The following PCDHGB2 variants were observed in gnomAD, a reference collection of about 807,000 sequenced individuals.
PCDHGB2 encodes protocadherin gamma subfamily B, 2, also known as protocadherin gamma-B2.
Under a neutral mutation model 59.3 loss-of-function variants are expected in PCDHGB2, and 55 were observed. That is an observed-to-expected ratio of 0.93 (90% CI 0.75 to 1.16). PCDHGB2 has a LOEUF of 1.16. Ranked by LOEUF, PCDHGB2 falls within the 50% of genes most tolerant of loss-of-function variation. The pLI is 0.00. For synonymous variants in PCDHGB2, 516 were observed against 512.0 expected, an observed-to-expected ratio of 1.01 and a Z score of -0.11; for missense variants, 1,228 against 1,198.5, an observed-to-expected ratio of 1.02 and a Z score of -0.36.
At chr5:141,418,392 T>C (rs753094664) in intron 1 of PCDHGB2, 1 of 1,613,996 alleles carries the variant, frequency 6.2e-7, no homozygotes, top group Non-Finnish European at 8.5e-7. Context: ...AACGAGTATT[T>C]CTCATTGGTG....
At chr5:141,402,935 T>G in intron 1 of PCDHGB2, 1 of 1,587,712 alleles carries the variant, frequency 6.3e-7, no homozygotes, top group Non-Finnish European at 8.6e-7. Context: ...TTTGAGAAAA[T>G]TCCAAAGCGA....
intron 1 of PCDHGB2, chr5:141,372,718 C>G: frequency 6.2e-7 from 1 of 1,613,818 alleles, no homozygotes; most frequent in East Asian, 2.2e-5. Flanking sequence ...GCTGAAAATG[C>G]TGCACCACAA....
intron 1 of PCDHGB2, among the ~76,000 whole-genome samples, chr5:141,482,767 A>G (rs2099572087): frequency 6.6e-6 from 1 of 150,474 alleles, no homozygotes; most frequent in East Asian, 1.9e-4. Flanking sequence ...TTTCATTATC[A>G]CTGAACCTTA....
At chr5:141,437,862 C>T (rs535370570) in intron 1 of PCDHGB2, among the ~76,000 whole-genome samples, 5 of 152,002 alleles carry the variant, frequency 3.3e-5, no homozygotes, top group African/African-American at 9.6e-5. Context: ...CTTAGCCTCC[C>T]GAGTAGCTGG....
intron 3 of PCDHGB2, among the ~76,000 whole-genome samples, chr5:141,506,402 G>C (rs1032556978): frequency 7.0e-6 from 1 of 143,732 alleles, no homozygotes; most frequent in African/African-American, 2.6e-5. Context: ...GCAGAAAATC[G>C]CACCACTGCA....
At position 141,382,875 on chromosome 5, in the gene PCDHGB2, C is replaced by T. The variant is rs531192742; in HGVS notation, c.2421+20319C>T. On this transcript the variant is annotated intron_variant, in intron 1 of 3. Transcript: ENST00000522605. ...TCTGAAGCACTTCCCGAGATCGGCG[C>T]CTAAGCAAGAGAAGCAGGACGACTA... 5 of 1,524,466 alleles carry T rather than the reference C, an allele frequency of 3.3e-6. No individual in the cohort carries two copies. In the East Asian group the frequency reaches 1.1e-4, roughly 35 times the overall value. The allele number at this position is 1,524,466 out of a possible 1,614,324, so 94.4% of individuals were successfully genotyped here. A position where few individuals can be genotyped will look rare whatever the true frequency, so the allele number is the denominator to read the frequency against.
Position 141,438,902 on chromosome 5 carries a change from G to A in PCDHGB2, c.2422-55905G>A, listed in dbSNP as rs185216039. 2.0e-5 allele frequency among the ~76,000 whole-genome samples: 3 copies of A among 151,906 alleles called. No homozygotes were observed. The East Asian group carries it at 5.8e-4, about 29-fold the overall frequency. On this transcript the variant is annotated intron_variant, in intron 1 of 3. Coordinates refer to ENST00000522605, the MANE Select transcript of PCDHGB2 (RefSeq NM_018923.3). ...GCTGCTCTTGAACTCCTGACCTCAGGTGATCCACCTGCCTTGGCCTCCCAA... is the reference window on the plus strand; with the variant it reads ...GCTGCTCTTGAACTCCTGACCTCAGATGATCCACCTGCCTTGGCCTCCCAA...
At position 141,409,564 on chromosome 5, in the gene PCDHGB2, G is replaced by C. The variant is rs374234556; in HGVS notation, c.2421+47008G>C. ...ACGACAACGCCCCAGTTTTCGACCA[G>C]ACGTCCTACGTGGTCCACGTGGCCG... On this transcript the variant is annotated intron_variant, in intron 1 of 3. Coordinates refer to ENST00000522605, the MANE Select transcript of PCDHGB2 (RefSeq NM_018923.3). The C allele has an allele frequency of 4.0e-5, 64 of 1,613,870 alleles. No individual in the cohort carries two copies. Among genetic ancestry groups the C allele is most frequent in the Non-Finnish European group, 5.2e-5 (61 of 1,179,914 alleles).
Position 141,410,070 on chromosome 5 carries a change from C to A in PCDHGB2, c.2421+47514C>A, listed in dbSNP as rs1368179504. On this transcript the variant is annotated intron_variant, in intron 1 of 3. Transcript: ENST00000522605. ...GGACTCTTCAGCCTGGGGCTGCGCA[C>A]TGGGGAGGTGCGCACGGCTCGAGCC... 6.2e-7 allele frequency: 1 copy of A among 1,612,806 alleles called. No homozygotes were observed. The highest frequency in any genetic ancestry group is 1.3e-5 in the African/African-American group (1 of 74,938).
chr5:141,415,907 T>C, intron 1 of PCDHGB2: 1 of 779,592 alleles, frequency 1.3e-6, no homozygotes. Context: ...CAGACTTCCA[T>C]ACAGAAGTGC....
rs745961736 is a variant in PCDHGB2, at chr5:141,372,460, A to G, written c.2421+9904A>G. On this transcript the variant is annotated intron_variant, in intron 1 of 3. Coordinates refer to ENST00000522605, the MANE Select transcript of PCDHGB2 (RefSeq NM_018923.3). ...CCCTCTGACCCTCAGGCGGAGCTAC[A>G]GTTTCACCTAGTAGTGGCGTTGGCC... 6.2e-5 allele frequency: 100 copies of G among 1,614,006 alleles called. 1 individual carries two copies. The South Asian group carries it at 1.1e-3, about 17-fold the overall frequency.
rs370237298 is a variant in PCDHGB2 at position 141,487,298 on chromosome 5, G to A, written c.2422-7509G>A. ...TTGCTTTGTCTCCTTTGGCTCATTCGTGGCACTACTCTCTAAGTGTCTTCG... is the reference window on the plus strand; with the variant it reads ...TTGCTTTGTCTCCTTTGGCTCATTCATGGCACTACTCTCTAAGTGTCTTCG... On this transcript the variant is annotated intron_variant, in intron 1 of 3. Coordinates refer to ENST00000522605, the MANE Select transcript of PCDHGB2 (RefSeq NM_018923.3). The surrounding 1 kb of genome is among the most constrained non-coding windows in gnomAD (Gnocchi z 5.0). The A allele has an allele frequency of 3.2e-5, 51 of 1,614,072 alleles. 1 individual carries two copies. Among genetic ancestry groups the A allele is most frequent in the South Asian group, 5.5e-5 (5 of 91,082 alleles).
intron 1 of PCDHGB2, among the ~76,000 whole-genome samples, chr5:141,439,631 A>C (rs1459977985): frequency 2.0e-5 from 3 of 152,214 alleles, no homozygotes; most frequent in Non-Finnish European, 2.9e-5. Context: ...ATCCCCAGAC[A>C]TTCCGGCTTG....
chr5:141,403,627 A>G lies in PCDHGB2; in HGVS notation c.2421+41071A>G, dbSNP rs1187522360. ...GCGGCGAGCCGCGTCGCTCCAGCAC[A>G]GTGCGCATCCATGTGACAGTGTTGG... On this transcript the variant is annotated intron_variant, in intron 1 of 3. Coordinates refer to ENST00000522605, the MANE Select transcript of PCDHGB2 (RefSeq NM_018923.3). 4 of 1,613,922 alleles carry G rather than the reference A, an allele frequency of 2.5e-6. No individual in the cohort carries two copies. The East Asian group carries it at 8.9e-5, about 36-fold the overall frequency.
At chr5:141,389,036 G>A in intron 1 of PCDHGB2, 1 of 1,613,928 alleles carries the variant, frequency 6.2e-7, no homozygotes, top group Non-Finnish European at 8.5e-7. Flanking sequence ...CTTGTAAATT[G>A]GAAGGTGATG....
chr5:141,491,602 A>T lies in PCDHGB2; in HGVS notation c.2422-3205A>T. On this transcript the variant is annotated intron_variant, in intron 1 of 3. Transcript: ENST00000522605. The surrounding 1 kb of genome is among the most constrained non-coding windows in gnomAD (Gnocchi z 6.9). ...ACCGGCCTCGGACGGCAGTGACTTC[A>T]CTTTTCTAAGACCCCTCAGCGTTCA... is the stretch of plus-strand genomic sequence containing the variant. The T allele has an allele frequency of 6.2e-7, 1 of 1,613,838 alleles. No individual in the cohort carries two copies. Among genetic ancestry groups the T allele is most frequent in the Non-Finnish European group, 8.5e-7 (1 of 1,180,016 alleles).
rs150692324 is a variant in PCDHGB2 at position 141,431,149 on chromosome 5, G to T, written c.2422-63658G>T. 1.2e-6 allele frequency: 2 copies of T among 1,614,210 alleles called. No homozygotes were observed. Among genetic ancestry groups the T allele is most frequent in the Non-Finnish European group, 1.7e-6 (2 of 1,180,020 alleles). ...AAGTAAGGGACATTAACGACAATGC[G>T]CCTTACTTTCGTGAAAGTGAATTAG... On this transcript the variant is annotated intron_variant, in intron 1 of 3. Coordinates refer to ENST00000522605, the MANE Select transcript of PCDHGB2 (RefSeq NM_018923.3). This position sits in a 1 kb window ranked among gnomAD's most constrained non-coding sequence, Gnocchi z 4.8.
chr5:141,369,897 C>G (rs988616109), intron 1 of PCDHGB2, among the ~76,000 whole-genome samples: 1 of 152,098 alleles, frequency 6.6e-6, no homozygotes, highest in Non-Finnish European at 1.5e-5. Context: ...ATTATTATGA[C>G]CATTTTATGA....
At chr5:141,377,345 C>T (rs1275867689) in intron 1 of PCDHGB2, 1 of 152,148 alleles carries the variant, frequency 6.6e-6, no homozygotes, top group African/African-American at 2.4e-5. Flanking sequence ...GTGGTTCACG[C>T]CTGTAATCCC....
Sources: gnomAD v4.1 joint callset for allele counts (sites outside exome capture counted in the v4.1 genomes callset) on GRCh38, gnomAD v4.1.1 for gene constraint, Gnocchi (gnomAD v3.1) non-coding constraint, MANE v1.5 for transcripts, NCBI Gene and HGNC (gene_info 2026-07-23, HGNC 2026-07-21) for gene names.